COMMD10: variants seen among roughly 807,000 people sequenced by gnomAD.
COMMD10 encodes COMM domain containing 10.
In COMMD10, 33 loss-of-function variants were observed where a neutral mutation model predicts 28.9. That is an observed-to-expected ratio of 1.14 (90% confidence interval 0.87 to 1.53). The LOEUF (loss-of-function observed/expected upper bound fraction) is 1.53. COMMD10 is among the 40% of genes most tolerant of loss of function. The pLI is 0.00. For synonymous variants in COMMD10, 110 were observed against 81.7 expected, an observed-to-expected ratio of 1.35 and a Z score of -1.87; for missense variants, 310 against 233.4, an observed-to-expected ratio of 1.33 and a Z score of -2.14.
At chr5:116,265,478 A>C (rs1471816882) in intron 5 of COMMD10, among the ~76,000 whole-genome samples, 5 of 151,794 alleles carry the variant, frequency 3.3e-5, no homozygotes, top group Non-Finnish European at 7.4e-5. Context: ...AAATTTATCT[A>C]CTTATTGCTT....
intron 5 of COMMD10, among the ~76,000 whole-genome samples, chr5:116,137,226 G>T (rs189685051): frequency 6.6e-6 from 1 of 151,970 alleles, no homozygotes; most frequent in African/African-American, 2.4e-5. Flanking sequence ...TGTTATTAAG[G>T]ACCACAAACT....
intron 5 of COMMD10, among the ~76,000 whole-genome samples, chr5:116,158,128 C>T: frequency 7.8e-6 from 1 of 128,592 alleles, no homozygotes. Context: ...CTTCCTCCCT[C>T]CCTCCCTTCC....
At chr5:116,085,265 G>T in intron 1 of COMMD10, 172 bp downstream of exon 1, 1 of 631,846 alleles carries the variant, frequency 1.6e-6, no homozygotes, top group Non-Finnish European at 2.7e-6. Context: ...AGTGCGTGGG[G>T]CCGTGTAGCG....
At chr5:116,210,009 C>T (rs1748917765) in intron 5 of COMMD10, among the ~76,000 whole-genome samples, 1 of 152,064 alleles carries the variant, frequency 6.6e-6, no homozygotes, top group Non-Finnish European at 1.5e-5. Flanking sequence ...GGCCTTCTTG[C>T]TGCATCATTA....
chr5:116,189,179 G>C (rs1748258790), intron 5 of COMMD10, among the ~76,000 whole-genome samples: 1 of 152,174 alleles, frequency 6.6e-6, no homozygotes, highest in Non-Finnish European at 1.5e-5. Context: ...TCCTGTGACA[G>C]CTAGAGTTTC....
rs527630200 is a variant in COMMD10, at chr5:116,090,928, T to C, written c.133-151T>C. 3 of 546,842 alleles carry C rather than the reference T, an allele frequency of 5.5e-6. No homozygotes were observed. The South Asian group carries it at 8.6e-5, about 16-fold the overall frequency. The allele number at this position is 546,842 out of a possible 1,614,324, so 33.9% of individuals were successfully genotyped here. On this transcript the variant is annotated intron_variant, in intron 2 of 6. Coordinates refer to ENST00000274458, the MANE Select transcript of COMMD10 (RefSeq NM_016144.4). ...AGGTCTAGAAATGAGCATCATATGT[T>C]TTATAAATTTACATGCACATCAGTT...
intron 6 of COMMD10, 150 bp downstream of exon 6, chr5:116,291,726 G>A (rs1187830627): frequency 2.0e-6 from 1 of 488,188 alleles, no homozygotes; most frequent in Non-Finnish European, 3.6e-6. Context: ...ACAGGAGGAA[G>A]TATAGCAGAA....
chr5:116,254,145 C>T (rs1048603751), intron 5 of COMMD10, among the ~76,000 whole-genome samples: 1 of 151,716 alleles, frequency 6.6e-6, no homozygotes, highest in African/African-American at 2.4e-5. Context: ...GTGGTGATAT[C>T]CCCTTTATCA....
intron 5 of COMMD10, among the ~76,000 whole-genome samples, chr5:116,145,520 T>A (rs1330646867): frequency 6.6e-6 from 1 of 151,800 alleles, no homozygotes; most frequent in Non-Finnish European, 1.5e-5. Context: ...GAGGATATTG[T>A]GTATGTGTGT....
intron 5 of COMMD10, among the ~76,000 whole-genome samples, chr5:116,277,803 C>T (rs1580606543): frequency 6.6e-6 from 1 of 151,840 alleles, no homozygotes; most frequent in African/African-American, 2.4e-5. Flanking sequence ...AAAAATTAAG[C>T]CTGCACATGT....
At chr5:116,172,714 G>C (rs537871681) in intron 5 of COMMD10, among the ~76,000 whole-genome samples, 1 of 152,256 alleles carries the variant, frequency 6.6e-6, no homozygotes, top group East Asian at 1.9e-4. Flanking sequence ...AAGAGGCATG[G>C]AGAAGAGCAG....
Position 116,149,042 on chromosome 5 carries a change from C to T in COMMD10, c.510+14864C>T, listed in dbSNP as rs1214593327. 6.6e-5 allele frequency among the ~76,000 whole-genome samples: 9 copies of T among 136,078 alleles called. No individual in the cohort carries two copies. In the Admixed American group the frequency reaches 7.0e-4, roughly 11 times the overall value. The allele number at this position is 136,078 out of a possible 152,430, so 89.3% of individuals were successfully genotyped here. ...GCAGTCCCCAGAGTGTGATATTCCC[C>T]TTCCTGTGTCCATGTGTTCTCATTG... On this transcript the variant is annotated intron_variant, in intron 5 of 6. Coordinates refer to ENST00000274458, the MANE Select transcript of COMMD10 (RefSeq NM_016144.4).
At position 116,127,225 on chromosome 5, in the gene COMMD10, G is replaced by A. The variant is rs576660144; in HGVS notation, c.400-6843G>A. 7.2e-4 allele frequency among the ~76,000 whole-genome samples: 109 copies of A among 152,302 alleles called. 3 individuals carry two copies. In the South Asian group the frequency reaches 0.022, roughly 30 times the overall value. ...GAAATGCAAATCAAAACCACAATGA[G>A]ATACCACCTCACACCAGTTAGAATG... is the stretch of plus-strand genomic sequence containing the variant. On this transcript the variant is annotated intron_variant, in intron 4 of 6. Coordinates refer to ENST00000274458, the MANE Select transcript of COMMD10 (RefSeq NM_016144.4).
intron 5 of COMMD10, among the ~76,000 whole-genome samples, chr5:116,202,456 G>A (rs976232160): frequency 1.9e-4 from 29 of 152,042 alleles, no homozygotes; most frequent in African/African-American, 5.8e-4. Flanking sequence ...CTGAGGAATC[G>A]CCACACAGAC....
At chr5:116,206,871 C>A (rs1447748746) in intron 5 of COMMD10, among the ~76,000 whole-genome samples, 1 of 151,996 alleles carries the variant, frequency 6.6e-6, no homozygotes, top group Admixed American at 6.6e-5. Flanking sequence ...CTTTGAGAAC[C>A]TGATTCTGTT....
intron 5 of COMMD10, among the ~76,000 whole-genome samples, chr5:116,157,865 G>T (rs1472523706): frequency 4.0e-5 from 6 of 151,448 alleles, no homozygotes; most frequent in African/African-American, 1.2e-4. Context: ...TTTAGTTTTA[G>T]CTATTTTGGT....
chr5:116,266,339 T>A (rs1750583328), intron 5 of COMMD10, among the ~76,000 whole-genome samples: 1 of 151,848 alleles, frequency 6.6e-6, no homozygotes, highest in Non-Finnish European at 1.5e-5. Context: ...GGTTAAGCTG[T>A]TATATTTTTC....
intron 5 of COMMD10, among the ~76,000 whole-genome samples, chr5:116,167,300 G>T (rs889516729): frequency 2.0e-5 from 3 of 151,888 alleles, no homozygotes; most frequent in Admixed American, 2.0e-4. Context: ...AGAGAAAAAA[G>T]AATGAAAAGG....
intron 5 of COMMD10, among the ~76,000 whole-genome samples, chr5:116,138,528 C>T (rs1313280924): frequency 6.6e-6 from 1 of 151,518 alleles, no homozygotes; most frequent in Non-Finnish European, 1.5e-5. Context: ...ATTTTTTTCC[C>T]CAGTAAATTT....
Sources: gnomAD v4.1 joint callset for allele counts (sites outside exome capture counted in the v4.1 genomes callset) on GRCh38, gnomAD v4.1.1 for gene constraint, MANE v1.5 for transcripts, NCBI Gene and HGNC (gene_info 2026-07-23, HGNC 2026-07-21) for gene names.